The following PTPRM variants were observed in gnomAD, a reference collection of about 807,000 sequenced individuals.
PTPRM encodes the protein protein tyrosine phosphatase receptor type M, also known as receptor-type tyrosine-protein phosphatase mu.
A neutral mutation model predicts 186.7 loss-of-function variants in PTPRM; 47 were observed. The observed-to-expected ratio is 0.25, with a 90% CI of 0.20 to 0.32. PTPRM has a LOEUF of 0.32. Ranked by LOEUF, PTPRM falls within the 10% of genes least tolerant of loss-of-function variation. The pLI is 1.00. For synonymous variants in PTPRM, 668 were observed against 674.9 expected (o/e 0.99, Z 0.16); for missense variants, 1,494 against 1,865.0 (o/e 0.80, Z 3.66).
rs565703312 is a variant in PTPRM at position 7,634,009 on chromosome 18, A to G, written c.73+66118A>G. Among the ~76,000 whole-genome samples the G allele has an allele frequency of 2.1e-3, 313 of 152,210 alleles. 2 individuals are homozygous for G. Among genetic ancestry groups the G allele is most frequent in the Middle Eastern group, 6.8e-3 (2 of 294 alleles). On this transcript the variant is annotated intron_variant, in intron 1 of 32. Coordinates refer to ENST00000580170, the MANE Select transcript of PTPRM (RefSeq NM_001105244.2). ...TCTTCCATTTTTCACCTGGGAAAAC[A>G]CAGAATCTTTTCCAAGGCCCGCTGG...
At chr18:8,053,853 G>A (rs555741563) in intron 7 of PTPRM, among the ~76,000 whole-genome samples, 188 of 151,974 alleles carry the variant, frequency 1.2e-3, no homozygotes, top group Non-Finnish European at 2.3e-3. Flanking sequence ...ATCTGTTATT[G>A]GTGTCTTGTA....
At chr18:7,675,677 T>C (rs1481538093) in intron 1 of PTPRM, among the ~76,000 whole-genome samples, 4 of 152,144 alleles carry the variant, frequency 2.6e-5, no homozygotes, top group Non-Finnish European at 5.9e-5. Flanking sequence ...TTTGGAGATA[T>C]TCGGCATCGT....
intron 14 of PTPRM, among the ~76,000 whole-genome samples, chr18:8,144,614 A>G (rs751512444): frequency 1.8e-4 from 28 of 152,128 alleles, no homozygotes; most frequent in Non-Finnish European, 3.5e-4. Context: ...CAAACAAACA[A>G]ACAAAGTTGT....
chr18:8,338,159 G>A (rs1360632079), intron 22 of PTPRM, among the ~76,000 whole-genome samples: 1 of 152,012 alleles, frequency 6.6e-6, no homozygotes, highest in Non-Finnish European at 1.5e-5. Context: ...AGACGCTTGG[G>A]GGCTGGCTGT....
intron 7 of PTPRM, among the ~76,000 whole-genome samples, chr18:7,977,637 C>T (rs547671544): frequency 2.0e-5 from 3 of 152,254 alleles, no homozygotes; most frequent in Admixed American, 2.0e-4. Flanking sequence ...TTTGGTTTTC[C>T]TAACTCAGGG....
At chr18:8,152,712 C>CTTTTTTTTTTTT (rs35112154) in intron 14 of PTPRM, among the ~76,000 whole-genome samples, 6 of 56,946 alleles carry the variant, frequency 1.1e-4, no homozygotes, top group African/African-American at 3.0e-4. Flanking sequence ...TGCCTCACCT[C>CTTTTTTTTTTTT]TTTTTTTTTT....
intron 1 of PTPRM, among the ~76,000 whole-genome samples, chr18:7,628,963 G>T (rs192521326): frequency 1.6e-4 from 25 of 152,332 alleles, no homozygotes; most frequent in Middle Eastern, 6.8e-3. Context: ...TCTACGTGAT[G>T]CTGGTTTCAT....
In PTPRM at chr18:8,210,835, A is replaced by T. The variant is rs374522848; in HGVS notation, c.2301-33223A>T. Among the ~76,000 whole-genome samples the T allele has an allele frequency of 1.6e-4, 25 of 152,348 alleles. 1 individual carries two copies. In the East Asian group the frequency reaches 2.1e-3, roughly 13 times the overall value. ...GAGGAGGAACTAGCAAAGCAAACTGAAGGCATTGCCAGTGGTGTAGAGGCA... is the reference window on the plus strand; with the variant it reads ...GAGGAGGAACTAGCAAAGCAAACTGTAGGCATTGCCAGTGGTGTAGAGGCA... On this transcript the variant is annotated intron_variant, in intron 14 of 32. Transcript: ENST00000580170.
At chr18:8,041,513 G>C (rs916643830) in intron 7 of PTPRM, among the ~76,000 whole-genome samples, 3 of 152,090 alleles carry the variant, frequency 2.0e-5, no homozygotes, top group African/African-American at 7.2e-5. Context: ...CTACAGTGTG[G>C]TTATATCTTC....
chr18:7,807,584 G>T (rs988513963), intron 2 of PTPRM, among the ~76,000 whole-genome samples: 1 of 152,204 alleles, frequency 6.6e-6, no homozygotes, highest in African/African-American at 2.4e-5. Flanking sequence ...AAAAGAAGGT[G>T]TGTCTGTGCC....
chr18:7,770,447 C>G lies in PTPRM; in HGVS notation c.74-3702C>G, dbSNP rs181416190. Among the ~76,000 whole-genome samples, 278 of 152,236 alleles carry G rather than the reference C, an allele frequency of 1.8e-3. 1 individual carries two copies. Among genetic ancestry groups the G allele is most frequent in the African/African-American group, 6.5e-3 (269 of 41,536 alleles). On this transcript the variant is annotated intron_variant, in intron 1 of 32. Transcript: ENST00000580170. ...AATGCACTCCTGAGAGTGCTTTGTT[C>G]TATGAGGTATATCTGGCAAGAAGAA...
chr18:7,955,899 C>G (rs1013963682), intron 7 of PTPRM, among the ~76,000 whole-genome samples: 16 of 152,218 alleles, frequency 1.1e-4, no homozygotes, highest in African/African-American at 3.9e-4. Context: ...ATGACTTGGG[C>G]CTGTTTGTAT....
intron 2 of PTPRM, among the ~76,000 whole-genome samples, chr18:7,827,146 A>C (rs1027262895): frequency 1.2e-4 from 19 of 152,198 alleles, no homozygotes; most frequent in African/African-American, 4.6e-4. Context: ...GACTGTGTTC[A>C]GGGCACTAAG....
chr18:7,725,739 C>G (rs890840818), intron 1 of PTPRM, among the ~76,000 whole-genome samples: 3 of 152,110 alleles, frequency 2.0e-5, no homozygotes, highest in African/African-American at 4.8e-5. Flanking sequence ...CCTTCCTGCC[C>G]TGTCCCTTTT....
At chr18:7,800,183 G>A (rs934364421) in intron 2 of PTPRM, among the ~76,000 whole-genome samples, 3 of 152,118 alleles carry the variant, frequency 2.0e-5, no homozygotes, top group East Asian at 1.9e-4. Flanking sequence ...TAGCACTTAC[G>A]TTAAATAGCC....
At chr18:7,669,013 C>G (rs908609924) in intron 1 of PTPRM, among the ~76,000 whole-genome samples, 4 of 152,052 alleles carry the variant, frequency 2.6e-5, no homozygotes, top group African/African-American at 9.7e-5. Context: ...GAGTGAATGA[C>G]TGAGTTTCCT....
At chr18:7,790,201 C>G (rs1299498620) in intron 2 of PTPRM, among the ~76,000 whole-genome samples, 5 of 152,196 alleles carry the variant, frequency 3.3e-5, no homozygotes, top group African/African-American at 1.2e-4. Flanking sequence ...AGAGTTCTTA[C>G]TTACTTTTGC....
chr18:8,165,890 A>G (rs1049532808), intron 14 of PTPRM, among the ~76,000 whole-genome samples: 1 of 152,152 alleles, frequency 6.6e-6, no homozygotes, highest in African/African-American at 2.4e-5. Context: ...GTAAGAAAAG[A>G]TATTCAGCAT....
At chr18:8,151,136 C>A (rs2092996754) in intron 14 of PTPRM, among the ~76,000 whole-genome samples, 1 of 152,124 alleles carries the variant, frequency 6.6e-6, no homozygotes, top group Non-Finnish European at 1.5e-5. Context: ...GGCACTCTGT[C>A]CCTTATCAGA....
Sources: gnomAD v4.1 joint callset for allele counts (sites outside exome capture counted in the v4.1 genomes callset) on GRCh38, gnomAD v4.1.1 for gene constraint, MANE v1.5 for transcripts, NCBI Gene and HGNC (gene_info 2026-07-23, HGNC 2026-07-21) for gene names.